The following TMEM161B variants were observed in gnomAD, a reference collection of about 807,000 sequenced individuals.
TMEM161B encodes transmembrane protein 161B.
A neutral mutation model predicts 61.8 loss-of-function variants in TMEM161B; 34 were observed. The observed-to-expected ratio is 0.55, with a 90% CI of 0.42 to 0.73. The LOEUF is 0.73. Ranked by LOEUF, TMEM161B falls within the 30% of genes least tolerant of loss-of-function variation. TMEM161B has a pLI of 0.00. For synonymous variants in TMEM161B, 167 were observed against 192.8 expected (o/e 0.87, Z 1.11); for missense variants, 456 against 558.5 (o/e 0.82, Z 1.85).
At chr5:88,263,420 A>G (rs1197410327) in intron 1 of TMEM161B, among the ~76,000 whole-genome samples, 1 of 152,230 alleles carries the variant, frequency 6.6e-6, no homozygotes. Flanking sequence ...ATAAAAACAA[A>G]TGAATGATTT....
chr5:88,202,847 TTAA>T, intron 9 of TMEM161B, 112 bp downstream of exon 9: 1 of 765,400 alleles, frequency 1.3e-6, no homozygotes, highest in South Asian at 1.5e-5. Context: ...AGCATTCCTA[TTAA>T]TGTCTGAAAA....
chr5:88,261,670 GAA>G (rs376436239), intron 1 of TMEM161B, among the ~76,000 whole-genome samples: 1 of 25,742 alleles, frequency 3.9e-5, no homozygotes, highest in African/African-American at 1.3e-4. Flanking sequence ...ATACAATGGA[GAA>G]AAAAAAAAAA....
At chr5:88,258,916 C>T (rs1181317256) in intron 1 of TMEM161B, among the ~76,000 whole-genome samples, 1 of 152,118 alleles carries the variant, frequency 6.6e-6, no homozygotes, top group Non-Finnish European at 1.5e-5. Flanking sequence ...TTACTTATCA[C>T]AAAGATAAAA....
chr5:88,234,622 T>C (rs1751551687), intron 2 of TMEM161B, among the ~76,000 whole-genome samples: 1 of 152,212 alleles, frequency 6.6e-6, no homozygotes, highest in Non-Finnish European at 1.5e-5. Flanking sequence ...TGCTTGCAAC[T>C]GCTGCACTAT....
At chr5:88,243,167 G>T (rs1753016644) in intron 1 of TMEM161B, among the ~76,000 whole-genome samples, 1 of 151,620 alleles carries the variant, frequency 6.6e-6, no homozygotes, top group Non-Finnish European at 1.5e-5. Flanking sequence ...GTGGTCTGGG[G>T]TACAAATTAT....
chr5:88,252,955 G>C (rs1478546786), intron 1 of TMEM161B, among the ~76,000 whole-genome samples: 1 of 152,118 alleles, frequency 6.6e-6, no homozygotes, highest in Admixed American at 6.6e-5. Context: ...ATTAGAAACA[G>C]GATGCTTGGT....
downstream of TMEM161B, among the ~76,000 whole-genome samples, chr5:88,187,540 T>C (rs1250139787): frequency 2.6e-5 from 4 of 152,184 alleles, no homozygotes; most frequent in East Asian, 7.7e-4. Context: ...TTATACATGT[T>C]GGTAAAAAGC....
At chr5:88,243,419 C>A (rs1753064406) in intron 1 of TMEM161B, among the ~76,000 whole-genome samples, 1 of 151,768 alleles carries the variant, frequency 6.6e-6, no homozygotes, top group South Asian at 2.1e-4. Flanking sequence ...AGGAAATGAT[C>A]CCATTCTTTT....
intron 10 of TMEM161B, chr5:88,198,295 A>T (rs1330677728): frequency 6.6e-6 from 1 of 152,042 alleles, no homozygotes; most frequent in Non-Finnish European, 1.5e-5. Context: ...TATGGAGGTG[A>T]ATCAAAAACT....
intron 8 of TMEM161B, among the ~76,000 whole-genome samples, chr5:88,204,366 C>G (rs914466832): frequency 7.2e-5 from 11 of 152,108 alleles, no homozygotes; most frequent in African/African-American, 2.4e-4. Flanking sequence ...TAAAATGAAG[C>G]CACATTTTAC....
chr5:88,194,045 G>A (rs1749259493), downstream of TMEM161B, among the ~76,000 whole-genome samples: 1 of 152,068 alleles, frequency 6.6e-6, no homozygotes, highest in South Asian at 2.1e-4. Flanking sequence ...TTTGCTATAT[G>A]GGTGTATTGC....
intron 2 of TMEM161B, among the ~76,000 whole-genome samples, chr5:88,229,682 T>G (rs535719460): frequency 6.7e-6 from 1 of 148,180 alleles, no homozygotes; most frequent in African/African-American, 2.5e-5. Context: ...ATATCTAGTA[T>G]GCTAGACCCC....
chr5:88,236,528 A>C (rs988806811), intron 2 of TMEM161B, among the ~76,000 whole-genome samples: 1 of 152,214 alleles, frequency 6.6e-6, no homozygotes, highest in Admixed American at 6.5e-5. Flanking sequence ...TATATGGGAC[A>C]TGATAAGAAC....
chr5:88,198,419 C>A (rs543388814), intron 10 of TMEM161B: 1 of 151,752 alleles, frequency 6.6e-6, no homozygotes, highest in African/African-American at 2.4e-5. Context: ...ACAGAGAGAC[C>A]CTGTCTCTAC....
At chr5:88,233,232 A>G (rs1751311449) in intron 2 of TMEM161B, among the ~76,000 whole-genome samples, 1 of 152,234 alleles carries the variant, frequency 6.6e-6, no homozygotes, top group African/African-American at 2.4e-5. Context: ...AAATAGTGAA[A>G]AATAAATTGT....
At position 88,225,733 on chromosome 5, in the gene TMEM161B, G is replaced by A. The variant is rs1353954136; in HGVS notation, c.289+36C>T. 5.9e-6 allele frequency: 8 copies of A among 1,360,192 alleles called. No homozygotes were observed. In the Admixed American group the frequency reaches 9.2e-5, roughly 16 times the overall value. 84.3% of individuals were successfully genotyped at this position (1,360,192 alleles called of 1,614,324 possible). ...ACTTTCACTACTATAATATAAAACTGAGATTTATAGAACATTTTATCAAGA... is the reference window on the plus strand; with the variant it reads ...ACTTTCACTACTATAATATAAAACTAAGATTTATAGAACATTTTATCAAGA... On this transcript the variant is annotated intron_variant, in intron 4 of 11. Coordinates refer to ENST00000296595, the MANE Select transcript of TMEM161B (RefSeq NM_153354.5).
chr5:88,250,961 T>C (rs1445318926), intron 1 of TMEM161B: 1 of 152,180 alleles, frequency 6.6e-6, no homozygotes, highest in African/African-American at 2.4e-5. Context: ...AAGAGTTTAA[T>C]TAATGCAAGG....
intron 1 of TMEM161B, among the ~76,000 whole-genome samples, chr5:88,242,871 T>C (rs1396875165): frequency 6.6e-6 from 1 of 151,516 alleles, no homozygotes; most frequent in Non-Finnish European, 1.5e-5. Flanking sequence ...AAAATAAAAT[T>C]TCTGCATGAA....
chr5:88,190,285 G>C (rs974300823), downstream of TMEM161B: 3 of 700,170 alleles, frequency 4.3e-6, no homozygotes, highest in African/African-American at 5.2e-5. Context: ...ACACACCGCT[G>C]TGTCAGTTTT....
Sources: allele counts gnomAD v4.1 joint callset (sites outside exome capture counted in the v4.1 genomes callset), GRCh38; gene constraint gnomAD v4.1.1; transcripts MANE v1.5; gene names NCBI Gene and HGNC (gene_info 2026-07-23, HGNC 2026-07-21).